The following NEBL variants were observed in gnomAD, a reference collection of about 807,000 sequenced individuals.
NEBL encodes the protein nebulette, also known as LIM and SH3 protein 2.
Under a neutral mutation model 140.2 loss-of-function variants are expected in NEBL, and 122 were observed. That is an observed-to-expected ratio of 0.87 (90% confidence interval 0.75 to 1.01). The LOEUF is 1.01. NEBL is among the 50% of genes least tolerant of loss of function. The pLI, the probability that NEBL is intolerant of heterozygous loss-of-function variation, is 0.00. For missense variants in NEBL, 1,365 were observed against 1,231.3 expected (o/e 1.11, Z -1.62); for synonymous variants, 436 against 398.9 (o/e 1.09, Z -1.11).
At chr10:20,873,507 GAAGA>G (rs1845184994) in intron 5 of NEBL, among the ~76,000 whole-genome samples, 1 of 151,866 alleles carries the variant, frequency 6.6e-6, no homozygotes, top group Non-Finnish European at 1.5e-5. Flanking sequence ...AGAGGAGGAA[GAAGA>G]AAGAAAGATT....
chr10:21,195,657 C>A (rs1207976284), intron 3 of NEBL, among the ~76,000 whole-genome samples: 1 of 152,128 alleles, frequency 6.6e-6, no homozygotes, highest in East Asian at 1.9e-4. Flanking sequence ...TAACCACATA[C>A]CTCCCTCCCT....
intron 4 of NEBL, among the ~76,000 whole-genome samples, chr10:20,958,661 A>G (rs758753653): frequency 1.3e-4 from 20 of 152,202 alleles, no homozygotes; most frequent in Non-Finnish European, 2.2e-4. Flanking sequence ...TTAGAAGCCA[A>G]GTTCTTTTTC....
At chr10:20,817,472 A>C (rs1484643432) in intron 21 of NEBL, 128 bp downstream of exon 21, 2 of 841,044 alleles carry the variant, frequency 2.4e-6, no homozygotes, top group Non-Finnish European at 2.0e-6. Flanking sequence ...TCTTTCAAAT[A>C]AGTTGTTAGT....
At chr10:21,163,754 T>C (rs966977735) in intron 2 of NEBL, among the ~76,000 whole-genome samples, 1 of 152,260 alleles carries the variant, frequency 6.6e-6, no homozygotes, top group African/African-American at 2.4e-5. Flanking sequence ...AGTCTGGTTA[T>C]TGATCAGATG....
At chr10:21,065,386 T>C (rs1347293851) in intron 2 of NEBL, among the ~76,000 whole-genome samples, 1 of 152,162 alleles carries the variant, frequency 6.6e-6, no homozygotes, top group East Asian at 1.9e-4. Flanking sequence ...GGAAAGTAAG[T>C]GTGAGGGAGG....
chr10:21,185,682 A>T (rs1385730259), intron 3 of NEBL, among the ~76,000 whole-genome samples: 1 of 151,224 alleles, frequency 6.6e-6, no homozygotes, highest in Admixed American at 6.6e-5. Flanking sequence ...TTTTTAGTAG[A>T]GACGGGGTTT....
rs756471841 is a variant in NEBL at position 20,980,925 on chromosome 10, C to T, written c.250-19146G>A. On this transcript the variant is annotated intron_variant, in intron 3 of 6. Transcript: ENST00000417816. Reference sequence around the variant, plus strand: ...AAGAACTGTGCTTAAGACATTCCACCGAAGTCTCAGAGTCTCATCTAACAT... The same window carrying T: ...AAGAACTGTGCTTAAGACATTCCACTGAAGTCTCAGAGTCTCATCTAACAT... Among the ~76,000 whole-genome samples the T allele has an allele frequency of 5.8e-4, 88 of 152,078 alleles. 1 individual carries two copies. The highest frequency in any genetic ancestry group is 1.9e-4 in the Non-Finnish European group (13 of 68,028).
At chr10:21,290,861 C>G (rs1484284348) in intron 1 of NEBL, among the ~76,000 whole-genome samples, 2 of 152,180 alleles carry the variant, frequency 1.3e-5, no homozygotes, top group Admixed American at 6.5e-5. Flanking sequence ...CTGATCCTTC[C>G]TTGAGTCTCA....
intron 2 of NEBL, among the ~76,000 whole-genome samples, chr10:21,026,923 A>C (rs1833522998): frequency 6.6e-6 from 1 of 152,036 alleles, no homozygotes; most frequent in Non-Finnish European, 1.5e-5. Context: ...TTTGGTGATA[A>C]CCCACTCCCC....
At chr10:21,030,707 G>A (rs1259529995) in intron 2 of NEBL, 2 of 470,418 alleles carry the variant, frequency 4.3e-6, no homozygotes, top group Non-Finnish European at 8.3e-6. Context: ...CATGGTCCAG[G>A]AGACAGAGGG....
chr10:21,113,401 C>A, intron 2 of NEBL: 1 of 423,936 alleles, frequency 2.4e-6, no homozygotes, highest in Non-Finnish European at 4.5e-6. Context: ...TGGTTCTCTT[C>A]CCAAAGTGGA....
intron 2 of NEBL, among the ~76,000 whole-genome samples, chr10:21,050,205 C>A (rs181888855): frequency 6.6e-6 from 1 of 152,172 alleles, no homozygotes; most frequent in Non-Finnish European, 1.5e-5. Flanking sequence ...TCATTAGATA[C>A]GTGCTGATAA....
chr10:20,981,625 C>T (rs1023862845), intron 3 of NEBL, among the ~76,000 whole-genome samples: 12 of 152,110 alleles, frequency 7.9e-5, no homozygotes, highest in African/African-American at 2.4e-4. Context: ...GAGTATCATA[C>T]TTCCCTATTT....
intron 2 of NEBL, among the ~76,000 whole-genome samples, chr10:21,040,892 G>A (rs574150269): frequency 2.2e-4 from 33 of 152,170 alleles, no homozygotes; most frequent in African/African-American, 6.0e-4. Context: ...CTCCAGCTAT[G>A]TAACATGTCC....
rs934439761 is a variant in NEBL, at chr10:20,993,287, G to T, written c.249+26830C>A. ...GGACATTACCACATTGCAGGCAAAA[G>T]ATACCACTAAGTTATGAATGACGTT... On this transcript the variant is annotated intron_variant, in intron 3 of 6. Coordinates refer to the NEBL transcript ENST00000417816. Among the ~76,000 whole-genome samples the T allele has an allele frequency of 3.3e-5, 5 of 152,184 alleles. No individual in the cohort carries two copies. The South Asian group carries it at 1.0e-3, about 32-fold the overall frequency.
intron 2 of NEBL, among the ~76,000 whole-genome samples, chr10:21,101,462 G>A (rs1373880909): frequency 6.6e-6 from 1 of 152,212 alleles, no homozygotes; most frequent in African/African-American, 2.4e-5. Flanking sequence ...TAGAGGGAAA[G>A]TGGACATGAT....
chr10:21,243,740 T>TGC (rs1842474219), intron 3 of NEBL, among the ~76,000 whole-genome samples: 1 of 152,208 alleles, frequency 6.6e-6, no homozygotes, highest in Non-Finnish European at 1.5e-5. Context: ...AATTTCAACC[T>TGC]GCGCTTCCTT....
At chr10:21,230,785 G>A (rs980704707) in intron 3 of NEBL, among the ~76,000 whole-genome samples, 1 of 151,714 alleles carries the variant, frequency 6.6e-6, no homozygotes, top group Non-Finnish European at 1.5e-5. Context: ...CTGTATTTTT[G>A]GTAGAGATGG....
intron 3 of NEBL, among the ~76,000 whole-genome samples, chr10:21,003,602 A>C (rs933463440): frequency 6.6e-6 from 1 of 152,154 alleles, no homozygotes; most frequent in African/African-American, 2.4e-5. Context: ...CTATTCAATC[A>C]ATGATTATTG....
Sources: gnomAD v4.1 joint callset for allele counts (sites outside exome capture counted in the v4.1 genomes callset) on GRCh38, gnomAD v4.1.1 for gene constraint, MANE v1.5 for transcripts, NCBI Gene and HGNC (gene_info 2026-07-23, HGNC 2026-07-21) for gene names.